Variants in CDKAL1 observed in about 807,000 individuals in gnomAD.
CDKAL1 encodes CDKAL1 threonylcarbamoyladenosine tRNA methylthiotransferase.
A neutral mutation model predicts 68.2 loss-of-function variants in CDKAL1; 32 were observed. The observed-to-expected ratio is 0.47, with a 90% CI of 0.35 to 0.63. The LOEUF is 0.63. Among genes scored for constraint, CDKAL1 ranks in the 30% least tolerant of loss-of-function variants. CDKAL1 has a pLI of 0.00. For synonymous variants in CDKAL1, 234 were observed against 244.3 expected, an observed-to-expected ratio of 0.96 and a Z score of 0.39; for missense variants, 606 against 696.7, an observed-to-expected ratio of 0.87 and a Z score of 1.47.
intron 5 of CDKAL1, among the ~76,000 whole-genome samples, chr6:20,656,218 G>C (rs552297298): frequency 6.6e-6 from 1 of 152,310 alleles, no homozygotes; most frequent in South Asian, 2.1e-4. Context: ...GTAAGTGGTT[G>C]CAGAATTGAG....
rs180823587 is a variant in CDKAL1, at chr6:20,890,632, G to A, written c.742+44454G>A. On this transcript the variant is annotated intron_variant, in intron 9 of 15. Transcript: ENST00000274695. ...TTGAGCTCTCTACTGTTTCTTTGAC[G>A]TTCGTGGAGTGTTGGCTTAAAATTT... is the stretch of plus-strand genomic sequence containing the variant. 1.4e-4 allele frequency among the ~76,000 whole-genome samples: 22 copies of A among 152,244 alleles called. No individual in the cohort carries two copies. In the East Asian group the frequency reaches 3.1e-3, roughly 21 times the overall value.
At chr6:20,701,931 G>T (rs1771380238) in intron 5 of CDKAL1, among the ~76,000 whole-genome samples, 1 of 152,228 alleles carries the variant, frequency 6.6e-6, no homozygotes, top group African/African-American at 2.4e-5. Context: ...CAGATTGAGA[G>T]TTAGGGCAGA....
intron 5 of CDKAL1, among the ~76,000 whole-genome samples, chr6:20,725,478 G>C (rs1562056080): frequency 6.6e-6 from 1 of 152,134 alleles, no homozygotes; most frequent in African/African-American, 2.4e-5. Flanking sequence ...ACTTTCCTTT[G>C]GTTCTTAATG....
At chr6:21,076,153 G>A (rs549627798) in intron 12 of CDKAL1, among the ~76,000 whole-genome samples, 24 of 152,284 alleles carry the variant, frequency 1.6e-4, no homozygotes, top group African/African-American at 5.8e-4. Flanking sequence ...TCTTGTGGGG[G>A]TTAGAGACAG....
intron 5 of CDKAL1, among the ~76,000 whole-genome samples, chr6:20,698,040 G>A (rs1441049426): frequency 2.0e-5 from 3 of 152,116 alleles, no homozygotes; most frequent in South Asian, 4.1e-4. Context: ...TGTTTTATAC[G>A]CAAATCCTTT....
At chr6:20,706,288 T>A (rs975426622) in intron 5 of CDKAL1, among the ~76,000 whole-genome samples, 1 of 152,172 alleles carries the variant, frequency 6.6e-6, no homozygotes, top group African/African-American at 2.4e-5. Flanking sequence ...ATTTTGGCTG[T>A]AGGGTTGTGT....
chr6:21,220,376 C>A (rs1463117616), intron 15 of CDKAL1, among the ~76,000 whole-genome samples: 1 of 152,120 alleles, frequency 6.6e-6, no homozygotes, highest in Non-Finnish European at 1.5e-5. Flanking sequence ...ACTAAGAGAA[C>A]CTTTTCTACG....
chr6:21,199,402 TC>T, intron 14 of CDKAL1, among the ~76,000 whole-genome samples: 1 of 152,296 alleles, frequency 6.6e-6, no homozygotes, highest in Admixed American at 6.5e-5. Context: ...CTGCATCGCT[TC>T]CCCATTTCCC....
intron 4 of CDKAL1, among the ~76,000 whole-genome samples, chr6:20,621,353 A>G (rs1365930124): frequency 6.6e-6 from 1 of 152,146 alleles, no homozygotes; most frequent in African/African-American, 2.4e-5. Flanking sequence ...CTGGGTATGT[A>G]TTGTCAACAC....
intron 3 of CDKAL1, among the ~76,000 whole-genome samples, chr6:20,547,898 A>G (rs1425925567): frequency 6.6e-6 from 1 of 152,208 alleles, no homozygotes; most frequent in Non-Finnish European, 1.5e-5. Context: ...TGCAACTAGT[A>G]TGTAGGAATC....
chr6:20,879,914 A>G (rs1224500819), intron 9 of CDKAL1, among the ~76,000 whole-genome samples: 2 of 152,188 alleles, frequency 1.3e-5, no homozygotes, highest in African/African-American at 2.4e-5. Flanking sequence ...TTTTTAAACT[A>G]TGGTATGAAT....
chr6:21,071,283 G>C (rs1040447450), intron 12 of CDKAL1, among the ~76,000 whole-genome samples: 2 of 148,966 alleles, frequency 1.3e-5, no homozygotes, highest in East Asian at 3.9e-4. Context: ...TTTCATGATA[G>C]TGAGTGAGTT....
rs765123261 is a variant in CDKAL1 at position 20,711,725 on chromosome 6, T to C, written c.372-27794T>C. On this transcript the variant is annotated intron_variant, in intron 5 of 15. Transcript: ENST00000274695. ...TGATATCTTCTGCAACACAGGAGTA[T>C]TTAAACTTTTGGTTCTGTCATTCTT... 1.6e-4 allele frequency among the ~76,000 whole-genome samples: 24 copies of C among 152,206 alleles called. 1 individual carries two copies. The highest frequency in any genetic ancestry group is 6.2e-4 in the South Asian group (3 of 4,828).
chr6:20,918,020 A>G (rs6938184), intron 9 of CDKAL1, among the ~76,000 whole-genome samples: 16,002 of 152,212 alleles, frequency 0.11, 938 homozygotes, highest in African/African-American at 0.14. Flanking sequence ...TTGAGGCATA[A>G]GAATTGTTTT....
chr6:21,138,992 A>C lies in CDKAL1; in HGVS notation c.1299+30529A>C, dbSNP rs182896861. 4.9e-4 allele frequency among the ~76,000 whole-genome samples: 75 copies of C among 152,316 alleles called. 1 individual carries two copies. Among genetic ancestry groups the C allele is most frequent in the Middle Eastern group, 3.4e-3 (1 of 294 alleles). On this transcript the variant is annotated intron_variant, in intron 13 of 15. Transcript: ENST00000274695. ...ACAGTCAAGCCTGCTTTCAAGAGAG[A>C]ATGTGAGAGGCACGTCCATTACAAG...
At chr6:20,919,006 A>G (rs1033702922) in intron 9 of CDKAL1, among the ~76,000 whole-genome samples, 3 of 152,240 alleles carry the variant, frequency 2.0e-5, no homozygotes, top group African/African-American at 4.8e-5. Flanking sequence ...CTGATTAAAT[A>G]TGCGTGCTTA....
intron 9 of CDKAL1, among the ~76,000 whole-genome samples, chr6:20,881,696 T>C (rs1760830253): frequency 6.6e-6 from 1 of 152,204 alleles, no homozygotes; most frequent in African/African-American, 2.4e-5. Flanking sequence ...TCTTTCATAT[T>C]TGTTAACATG....
At chr6:20,947,994 C>T (rs916716853) in intron 9 of CDKAL1, among the ~76,000 whole-genome samples, 1 of 147,456 alleles carries the variant, frequency 6.8e-6, no homozygotes, top group African/African-American at 2.5e-5. Context: ...TTTGACTGTA[C>T]CTTGAGTGAA....
intron 9 of CDKAL1, among the ~76,000 whole-genome samples, chr6:20,934,805 G>A (rs561282312): frequency 1.3e-5 from 2 of 152,112 alleles, no homozygotes; most frequent in African/African-American, 4.8e-5. Flanking sequence ...CTATGATCAC[G>A]CCACTGTACT....
Sources: gnomAD v4.1 joint callset for allele counts (sites outside exome capture counted in the v4.1 genomes callset) on GRCh38, gnomAD v4.1.1 for gene constraint, MANE v1.5 for transcripts, NCBI Gene and HGNC (gene_info 2026-07-23, HGNC 2026-07-21) for gene names.